Variants in PRKG1 observed in about 807,000 individuals in gnomAD.
The protein encoded by PRKG1 is protein kinase cGMP-dependent 1, also known as cGMP-dependent protein kinase 1.
Under a neutral mutation model 88.1 loss-of-function variants are expected in PRKG1, and 35 were observed. The ratio of observed to expected loss-of-function variants is 0.40; its 90% confidence interval spans 0.30 to 0.53. The LOEUF (loss-of-function observed/expected upper bound fraction) is 0.53, where lower values mean the gene tolerates loss of function less well. Among genes scored for constraint, PRKG1 ranks in the 20% least tolerant of loss-of-function variants. The pLI is 0.59. For missense variants in PRKG1, 540 were observed against 839.8 expected (o/e 0.64, Z 4.41); for synonymous variants, 303 against 292.5 (o/e 1.04, Z -0.37).
intron 3 of PRKG1, among the ~76,000 whole-genome samples, chr10:51,566,343 T>G (rs1178921569): frequency 1.3e-5 from 2 of 152,058 alleles, no homozygotes; most frequent in Non-Finnish European, 2.9e-5. Context: ...AAAGACTTCC[T>G]AAGCCCTAAA....
At chr10:51,099,186 G>T (rs866382613) in intron 1 of PRKG1, among the ~76,000 whole-genome samples, 8 of 152,022 alleles carry the variant, frequency 5.3e-5, no homozygotes, top group African/African-American at 1.7e-4. Flanking sequence ...TCTGAGGCTC[G>T]CTTTGTATAG....
chr10:51,125,418 T>A (rs1023280311), intron 1 of PRKG1, among the ~76,000 whole-genome samples: 6 of 150,864 alleles, frequency 4.0e-5, no homozygotes, highest in African/African-American at 1.5e-4. Flanking sequence ...CCAGGCACAG[T>A]GGCTGAAGCC....
At chr10:52,076,737 A>T (rs866017702) in intron 7 of PRKG1, among the ~76,000 whole-genome samples, 3 of 150,474 alleles carry the variant, frequency 2.0e-5, no homozygotes, top group South Asian at 4.1e-4. Flanking sequence ...CTCAATAATG[A>T]GAAAATGAAT....
At position 52,293,797 on chromosome 10, in the gene PRKG1, T is replaced by C. The variant is rs78481888; in HGVS notation, c.1963-5T>C. ...CACTAAAAAAAACCTGTCCATTTTT[T>C]ACAGGTTGCATCACCCACAGACACA... On this transcript the variant is annotated splice_region_variant and splice_polypyrimidine_tract_variant and intron_variant, in intron 17 of 17. Coordinates refer to ENST00000373980, the MANE Select transcript of PRKG1 (RefSeq NM_006258.4). 2.5e-6 allele frequency: 4 copies of C among 1,607,722 alleles called. No homozygotes were observed. Among genetic ancestry groups the C allele is most frequent in the African/African-American group, 1.3e-5 (1 of 74,614 alleles).
intron 1 of PRKG1, among the ~76,000 whole-genome samples, chr10:51,055,987 G>T (rs746995585): frequency 7.9e-5 from 12 of 152,206 alleles, no homozygotes; most frequent in Middle Eastern, 3.4e-3. Context: ...GTGGTGGGAA[G>T]GGAAGACTGA....
intron 9 of PRKG1, among the ~76,000 whole-genome samples, chr10:52,234,929 C>A (rs1589721785): frequency 2.5e-5 from 3 of 119,206 alleles, no homozygotes; most frequent in African/African-American, 7.0e-5. Flanking sequence ...GGTCGGGTTA[C>A]CCTCAAAGGG....
intron 5 of PRKG1, among the ~76,000 whole-genome samples, chr10:51,924,715 CTT>C (rs200481363): frequency 0.36 from 51,449 of 142,230 alleles, 9,607 homozygotes; most frequent in East Asian, 0.51. Context: ...CTCGAATATT[CTT>C]TTTTTTTTTT....
chr10:51,066,441 C>T (rs1289179323), intron 1 of PRKG1, among the ~76,000 whole-genome samples: 3 of 152,058 alleles, frequency 2.0e-5, no homozygotes, highest in Non-Finnish European at 4.4e-5. Context: ...GAGTAGTTGA[C>T]AGTACTGTTT....
intron 2 of PRKG1, among the ~76,000 whole-genome samples, chr10:51,206,043 G>C (rs1838050375): frequency 6.6e-6 from 1 of 152,196 alleles, no homozygotes; most frequent in Non-Finnish European, 1.5e-5. Flanking sequence ...GTTTTAAACA[G>C]AAGCAGCAGG....
At chr10:51,367,961 G>C (rs1842624032) in intron 2 of PRKG1, among the ~76,000 whole-genome samples, 1 of 151,702 alleles carries the variant, frequency 6.6e-6, no homozygotes, top group Non-Finnish European at 1.5e-5. Context: ...TGTTTTACAG[G>C]GCTTCCCTCT....
intron 3 of PRKG1, among the ~76,000 whole-genome samples, chr10:51,734,558 G>A (rs547031885): frequency 6.6e-6 from 1 of 152,238 alleles, no homozygotes; most frequent in East Asian, 1.9e-4. Flanking sequence ...GAGAAGGAAT[G>A]TCCAATACGG....
chr10:51,196,441 T>C (rs918552874), intron 2 of PRKG1, among the ~76,000 whole-genome samples: 1 of 152,136 alleles, frequency 6.6e-6, no homozygotes, highest in African/African-American at 2.4e-5. Flanking sequence ...ACAGTGCTTA[T>C]AGGAAGAATG....
At chr10:51,668,486 C>T (rs1840477422) in intron 3 of PRKG1, among the ~76,000 whole-genome samples, 1 of 152,204 alleles carries the variant, frequency 6.6e-6, no homozygotes, top group Non-Finnish European at 1.5e-5. Flanking sequence ...TAGCTTACTG[C>T]AGCCCTTAAC....
intron 4 of PRKG1, among the ~76,000 whole-genome samples, chr10:51,872,394 T>C (rs751493584): frequency 1.3e-5 from 2 of 152,204 alleles, no homozygotes; most frequent in Non-Finnish European, 2.9e-5. Flanking sequence ...AATATTAAAA[T>C]GGTAGCAGTT....
intron 2 of PRKG1, among the ~76,000 whole-genome samples, chr10:51,167,836 C>T (rs948491322): frequency 6.6e-6 from 1 of 152,106 alleles, no homozygotes; most frequent in Admixed American, 6.6e-5. Flanking sequence ...GATTTCTGTT[C>T]TGACGGTAGA....
At chr10:51,655,561 A>G (rs1589165189) in intron 3 of PRKG1, among the ~76,000 whole-genome samples, 1 of 152,112 alleles carries the variant, frequency 6.6e-6, no homozygotes, top group Non-Finnish European at 1.5e-5. Flanking sequence ...TCTACAGACG[A>G]TAAAATTCTG....
At position 51,210,043 on chromosome 10, in the gene PRKG1, A is replaced by T. The variant is rs920954903; in HGVS notation, c.478+56713A>T. On this transcript the variant is annotated intron_variant, in intron 2 of 17. Coordinates refer to ENST00000373980, the MANE Select transcript of PRKG1 (RefSeq NM_006258.4). The stretch of plus-strand genomic sequence containing the variant: ...TGCAACAATTTTCTCGCAATAAAAA[A>T]ATGAGTAGTTAATAGTTGGAAGTAA... Among the ~76,000 whole-genome samples the T allele has an allele frequency of 2.0e-4, 30 of 152,292 alleles. 1 individual carries two copies. Among genetic ancestry groups the T allele is most frequent in the Admixed American group, 1.6e-3 (25 of 15,292 alleles).
At chr10:51,532,070 C>G (rs968049611) in intron 3 of PRKG1, among the ~76,000 whole-genome samples, 5 of 152,188 alleles carry the variant, frequency 3.3e-5, no homozygotes, top group African/African-American at 1.2e-4. Flanking sequence ...CAGAGTATGT[C>G]TCACTTGTCT....
At chr10:51,708,862 G>C (rs1301754900) in intron 3 of PRKG1, among the ~76,000 whole-genome samples, 1 of 152,164 alleles carries the variant, frequency 6.6e-6, no homozygotes, top group Non-Finnish European at 1.5e-5. Flanking sequence ...AGACTGACTT[G>C]AGGGGCTTGA....
Sources: allele counts gnomAD v4.1 joint callset (sites outside exome capture counted in the v4.1 genomes callset), GRCh38; gene constraint gnomAD v4.1.1; transcripts MANE v1.5; gene names NCBI Gene and HGNC (gene_info 2026-07-23, HGNC 2026-07-21).